Variants in ZZZ3 observed in about 807,000 individuals in gnomAD.
ZZZ3 encodes ZZ-type zinc finger-containing protein 3.
Under a neutral mutation model 95.2 loss-of-function variants are expected in ZZZ3, and 22 were observed. The observed-to-expected ratio is 0.23, with a 90% CI of 0.17 to 0.33. ZZZ3 has a LOEUF of 0.33. Ranked by LOEUF, ZZZ3 falls within the 10% of genes least tolerant of loss-of-function variation. ZZZ3 has a pLI of 1.00. For synonymous variants in ZZZ3, 335 were observed against 358.9 expected, an observed-to-expected ratio of 0.93 and a Z score of 0.75; for missense variants, 885 against 1,066.5, an observed-to-expected ratio of 0.83 and a Z score of 2.37.
chr1:77,618,206 T>C (rs560555899), intron 5 of ZZZ3, among the ~76,000 whole-genome samples: 1 of 148,946 alleles, frequency 6.7e-6, no homozygotes, highest in African/African-American at 2.4e-5. Flanking sequence ...GATATACCCT[T>C]GCTCTAGAAG....
chr1:77,583,986 A>C (rs1231930890), intron 6 of ZZZ3, among the ~76,000 whole-genome samples: 1 of 152,216 alleles, frequency 6.6e-6, no homozygotes, highest in African/African-American at 2.4e-5. Flanking sequence ...CCCACTTAAA[A>C]AAAGCATTTT....
At chr1:77,627,727 C>A (rs1667453733) in intron 5 of ZZZ3, among the ~76,000 whole-genome samples, 1 of 152,282 alleles carries the variant, frequency 6.6e-6, no homozygotes. Context: ...AACTATCTTA[C>A]AGGTTCATTA....
At chr1:77,614,589 T>C (rs1258892392) in intron 5 of ZZZ3, among the ~76,000 whole-genome samples, 2 of 152,136 alleles carry the variant, frequency 1.3e-5, no homozygotes. Flanking sequence ...TGCAAAAATG[T>C]AAAACATGAA....
intron 11 of ZZZ3, among the ~76,000 whole-genome samples, chr1:77,576,784 A>G (rs1167370997): frequency 1.6e-5 from 2 of 127,168 alleles, no homozygotes; most frequent in African/African-American, 5.3e-5. Flanking sequence ...AAACAACAAA[A>G]AAAAAATTTC....
intron 1 of ZZZ3, among the ~76,000 whole-genome samples, chr1:77,657,233 C>T (rs754530161): frequency 5.9e-5 from 9 of 152,130 alleles, no homozygotes; most frequent in Admixed American, 2.0e-4. Context: ...CCACCCACCT[C>T]GGCCTCCCAA....
intron 5 of ZZZ3, among the ~76,000 whole-genome samples, chr1:77,607,733 C>T (rs982885409): frequency 4.0e-5 from 6 of 151,892 alleles, no homozygotes; most frequent in Non-Finnish European, 5.9e-5. Context: ...ACCAGCCTGG[C>T]GAACATGGTG....
intron 5 of ZZZ3, among the ~76,000 whole-genome samples, chr1:77,626,582 G>A (rs895729354): frequency 1.3e-5 from 2 of 152,142 alleles, no homozygotes; most frequent in Non-Finnish European, 2.9e-5. Flanking sequence ...GACAGGAGGT[G>A]CTGTTCACCT....
chr1:77,623,045 C>A (rs149403154), intron 5 of ZZZ3, among the ~76,000 whole-genome samples: 1 of 152,282 alleles, frequency 6.6e-6, no homozygotes, highest in Non-Finnish European at 1.5e-5. Context: ...ATCCTGCCAT[C>A]CACAACTACA....
chr1:77,635,729 AACCCCGTCTCT>A (rs1668233639), intron 4 of ZZZ3, among the ~76,000 whole-genome samples: 1 of 152,188 alleles, frequency 6.6e-6, no homozygotes, highest in Non-Finnish European at 1.5e-5. Flanking sequence ...AACATGGTGA[AACCCCGTCTCT>A]ACTAAAAATA....
chr1:77,569,652 G>A (rs1661176789), intron 12 of ZZZ3, among the ~76,000 whole-genome samples: 1 of 152,048 alleles, frequency 6.6e-6, no homozygotes, highest in African/African-American at 2.4e-5. Context: ...CCTTCTCAGA[G>A]TCTCCCACTC....
In ZZZ3 at chr1:77,562,889, A is replaced by G. The variant is rs992973893; in HGVS notation, c.*2751T>C. 1.3e-5 allele frequency: 2 copies of G among 152,534 alleles called. No homozygotes were observed. The highest frequency in any genetic ancestry group is 6.5e-5 in the Admixed American group (1 of 15,290). The allele number at this position is 152,534 out of a possible 1,614,324, so 9.4% of individuals were successfully genotyped here. A position where few individuals can be genotyped will look rare whatever the true frequency, so the allele number is the denominator to read the frequency against. ...TAAGGCAGACGCTGACTCTGAAGTA[A>G]TCTGCCTAGGTTAAAATCCAAGCAT... On this transcript the variant is annotated 3_prime_UTR_variant, in exon 15 of 15. Coordinates refer to ENST00000370801, the MANE Select transcript of ZZZ3 (RefSeq NM_015534.6).
chr1:77,595,424 CA>C (rs1289944395), intron 5 of ZZZ3, among the ~76,000 whole-genome samples: 1 of 151,840 alleles, frequency 6.6e-6, no homozygotes, highest in African/African-American at 2.4e-5. Context: ...GATGGGATTT[CA>C]AAAGGAAAGG....
intron 1 of ZZZ3, among the ~76,000 whole-genome samples, chr1:77,670,864 C>T (rs1570666198): frequency 2.6e-5 from 4 of 151,874 alleles, no homozygotes; most frequent in Admixed American, 2.6e-4. Context: ...GCAAAAACTA[C>T]AACCTTATAC....
intron 5 of ZZZ3, among the ~76,000 whole-genome samples, chr1:77,611,452 T>C (rs539129734): frequency 1.4e-4 from 22 of 152,120 alleles, no homozygotes; most frequent in Non-Finnish European, 2.7e-4. Flanking sequence ...AAAATTCCAA[T>C]GTCATTTTTC....
rs902162009 is a variant in ZZZ3 at position 77,564,916 on chromosome 1, T to C, written c.*724A>G. 2 of 152,638 alleles carry C rather than the reference T, an allele frequency of 1.3e-5. No individual in the cohort carries two copies. Among genetic ancestry groups the C allele is most frequent in the African/African-American group, 4.8e-5 (2 of 41,446 alleles). 9.5% of individuals were successfully genotyped at this position (152,638 alleles called of 1,614,324 possible). A position where few individuals can be genotyped will look rare whatever the true frequency, so the allele number is the denominator to read the frequency against. On this transcript the variant is annotated 3_prime_UTR_variant, in exon 15 of 15. Transcript: ENST00000370801. ...TTACTACCACTGGCACTTTTCACCA[T>C]AGTTTGTACACATCACATGATCATC...
intron 5 of ZZZ3, among the ~76,000 whole-genome samples, chr1:77,622,844 C>A (rs890629177): frequency 2.0e-5 from 3 of 152,224 alleles, no homozygotes; most frequent in Admixed American, 6.5e-5. Context: ...ACTTCAACTT[C>A]TTTAAAAAAA....
chr1:77,622,559 C>A (rs1427112239), intron 5 of ZZZ3, among the ~76,000 whole-genome samples: 1 of 152,062 alleles, frequency 6.6e-6, no homozygotes, highest in African/African-American at 2.4e-5. Context: ...TACAGCAAAT[C>A]TGGTACAACA....
intron 1 of ZZZ3, among the ~76,000 whole-genome samples, chr1:77,670,277 G>C (rs1000770108): frequency 1.3e-5 from 2 of 150,956 alleles, no homozygotes; most frequent in African/African-American, 2.4e-5. Context: ...TTTTTTGGGG[G>C]GGGGCAGAGT....
chr1:77,568,248 C>A (rs1661015225), intron 13 of ZZZ3, 84 bp downstream of exon 13: 2 of 1,251,604 alleles, frequency 1.6e-6, no homozygotes, highest in Non-Finnish European at 2.2e-6. Flanking sequence ...CACTGCACTC[C>A]AGCCTGGGCA....
Sources: allele counts gnomAD v4.1 joint callset (sites outside exome capture counted in the v4.1 genomes callset), GRCh38; gene constraint gnomAD v4.1.1; transcripts MANE v1.5; gene names NCBI Gene and HGNC (gene_info 2026-07-23, HGNC 2026-07-21).